Variants in EEA1 observed in about 807,000 individuals in gnomAD.
EEA1 encodes the protein early endosome antigen 1, 162kD.
In EEA1, 111 loss-of-function variants were observed where a neutral mutation model predicts 209.2. That is an observed-to-expected ratio of 0.53 (90% CI 0.45 to 0.62). The LOEUF is 0.62. Among genes scored for constraint, EEA1 ranks in the 20% least tolerant of loss-of-function variants. The pLI, the probability that EEA1 is intolerant of heterozygous loss-of-function variation, is 0.00. For synonymous variants in EEA1, 536 were observed against 540.6 expected, an observed-to-expected ratio of 0.99 and a Z score of 0.12; for missense variants, 1,343 against 1,530.8, an observed-to-expected ratio of 0.88 and a Z score of 2.05.
At chr12:92,809,273 A>G (rs1381973108) in intron 17 of EEA1, 117 bp from the exon 18 acceptor site, 1 of 645,852 alleles carries the variant, frequency 1.5e-6, no homozygotes, top group African/African-American at 1.9e-5. Flanking sequence ...AAAAAAATTT[A>G]TTATAATAAA....
chr12:92,779,087 A>T, intron 25 of EEA1, 28 bp downstream of exon 25: 1 of 1,574,288 alleles, frequency 6.4e-7, no homozygotes, highest in Middle Eastern at 1.7e-4. Context: ...CTACTGCAAA[A>T]CACACTTCCC....
At chr12:92,856,965 G>A (rs1412481453) in intron 5 of EEA1, among the ~76,000 whole-genome samples, 1 of 151,726 alleles carries the variant, frequency 6.6e-6, no homozygotes, top group Non-Finnish European at 1.5e-5. Context: ...AGAGACAGGG[G>A]TCTCCCTGTG....
In EEA1 at chr12:92,787,220, G is replaced by GA. The variant is rs907428003; in HGVS notation, c.3150+646dup. On this transcript the variant is annotated intron_variant, in intron 22 of 28. Coordinates refer to ENST00000322349, the MANE Select transcript of EEA1 (RefSeq NM_003566.4). ...TTTCCCCTTAACAAAAAGAGAGACAGAAAAAAAACTGGCTGAATCCTCTGT... is the reference window on the plus strand; with the variant it reads ...TTTCCCCTTAACAAAAAGAGAGACAGAAAAAAAAACTGGCTGAATCCTCTGT... 7.2e-5 allele frequency among the ~76,000 whole-genome samples: 11 copies of GA among 151,880 alleles called. No homozygotes were observed. In the East Asian group the frequency reaches 9.7e-4, roughly 13 times the overall value.
intron 1 of EEA1, among the ~76,000 whole-genome samples, chr12:92,896,185 G>C (rs546589093): frequency 6.6e-6 from 1 of 152,140 alleles, no homozygotes; most frequent in African/African-American, 2.4e-5. Flanking sequence ...TGTTGGCCAG[G>C]ATGGTCTCGA....
Position 92,774,900 on chromosome 12 carries a change from T to C in EEA1, c.*1111A>G, listed in dbSNP as rs529478045. The C allele has an allele frequency of 1.4e-4, 21 of 151,922 alleles. No homozygotes were observed. In the South Asian group the frequency reaches 3.9e-3, roughly 28 times the overall value. The allele number at this position is 151,922 out of a possible 1,614,324, so 9.4% of individuals were successfully genotyped here. ...ATAGGGTAAGAAATAGAAAGTAAAA[T>C]ATTTAATGTCTTCTTATCATTTTAT... On this transcript the variant is annotated 3_prime_UTR_variant, in exon 29 of 29. Coordinates refer to ENST00000322349, the MANE Select transcript of EEA1 (RefSeq NM_003566.4).
intron 14 of EEA1, among the ~76,000 whole-genome samples, chr12:92,818,844 T>C (rs532621678): frequency 6.6e-6 from 1 of 152,308 alleles, no homozygotes; most frequent in African/African-American, 2.4e-5. Flanking sequence ...TTATTGGCTA[T>C]ACATGATGCA....
Position 92,782,116 on chromosome 12 carries a change from G to C in EEA1, c.3170C>G (p.Ser1057Cys). Residue 1057 changes from serine to cysteine, a missense_variant, in exon 23 of 29, where the codon TCT (serine) becomes TGT (cysteine). Physicochemically the swap from Ser to Cys is moderately radical, Grantham distance 112. Around this residue, in one of 3 missense-constraint regions of EEA1, gnomAD observed 1,307 missense variants for 1,465.5 expected, o/e 0.89. Transcript: ENST00000322349. ...QDLKSVEEKLSLAQEDLISNR... is the reference protein window; with the variant it reads ...QDLKSVEEKLCLAQEDLISNR... ...TGAAATCAAGTCCTCCTGTGCTAGA[G>C]AAAGCTTCTCTTCTACAGACTTACA... is the stretch of plus-strand genomic sequence containing the variant. The C allele has an allele frequency of 3.7e-6, 6 of 1,610,114 alleles. No homozygotes were observed. The highest frequency in any genetic ancestry group is 1.3e-5 in the African/African-American group (1 of 74,872).
At chr12:92,885,481 T>C (rs1224996933) in intron 2 of EEA1, among the ~76,000 whole-genome samples, 1 of 152,128 alleles carries the variant, frequency 6.6e-6, no homozygotes, top group African/African-American at 2.4e-5. Context: ...TTAGTATTGG[T>C]GGCATATGGA....
chr12:92,807,724 C>T (rs1027797779), intron 18 of EEA1, among the ~76,000 whole-genome samples: 5 of 151,666 alleles, frequency 3.3e-5, no homozygotes, highest in African/African-American at 1.2e-4. Context: ...AAAAGATGTA[C>T]AAGATGTCTA....
In EEA1 at chr12:92,809,140, C is replaced by T. The variant is rs778325385; in HGVS notation, c.2216G>A (p.Ser739Asn). 5 of 1,576,868 alleles carry T rather than the reference C, an allele frequency of 3.2e-6. No individual in the cohort carries two copies. In the East Asian group the frequency reaches 9.2e-5, roughly 29 times the overall value. The change falls in exon 18 of 29, where the codon AGT becomes AAT. Residue 739 changes from serine to asparagine, a missense_variant. Around this residue, in one of 3 missense-constraint regions of EEA1, gnomAD observed 1,307 missense variants for 1,465.5 expected, o/e 0.89. Coordinates refer to ENST00000322349, the MANE Select transcript of EEA1 (RefSeq NM_003566.4). ...CTCCTTGCTTGCTTTAACTTCAAGA[C>T]TATCAGCTTCTAGTTTCTATGAAAG... ...EGQIKKLEAD[S>N]LEVKASKEQA...
At chr12:92,795,032 T>C (rs892556441) in intron 21 of EEA1, among the ~76,000 whole-genome samples, 2 of 152,172 alleles carry the variant, frequency 1.3e-5, no homozygotes, top group Admixed American at 6.5e-5. Flanking sequence ...TATTCACAAA[T>C]CATTATAATC....
At chr12:92,835,443 G>C (rs1327121198) in intron 10 of EEA1, 1 of 177,134 alleles carries the variant, frequency 5.6e-6, no homozygotes, top group East Asian at 2.1e-4. Context: ...ATGGAGTCTC[G>C]CTCTGTCGCC....
intron 2 of EEA1, among the ~76,000 whole-genome samples, chr12:92,889,435 A>G (rs749541735): frequency 6.6e-6 from 1 of 152,012 alleles, no homozygotes; most frequent in African/African-American, 2.4e-5. Flanking sequence ...GAGAAAGTAC[A>G]TAAAGAGTAA....
At chr12:92,800,678 T>A (rs184323617) in intron 20 of EEA1, among the ~76,000 whole-genome samples, 2 of 152,356 alleles carry the variant, frequency 1.3e-5, no homozygotes, top group Non-Finnish European at 2.9e-5. Flanking sequence ...ACTTTAAAGA[T>A]ATTAACCCAT....
chr12:92,857,859 G>A (rs1034768048), intron 3 of EEA1, among the ~76,000 whole-genome samples: 1 of 152,110 alleles, frequency 6.6e-6, no homozygotes, highest in Non-Finnish European at 1.5e-5. Flanking sequence ...ACATAATCTA[G>A]TCATTGCCTT....
intron 9 of EEA1, among the ~76,000 whole-genome samples, chr12:92,844,699 T>C (rs1216803199): frequency 3.9e-5 from 6 of 152,134 alleles, no homozygotes; most frequent in African/African-American, 1.4e-4. Flanking sequence ...GTTTTAATCA[T>C]ATAGCAAAAA....
chr12:92,861,975 A>C (rs1007720534), intron 3 of EEA1, among the ~76,000 whole-genome samples: 1 of 152,208 alleles, frequency 6.6e-6, no homozygotes, highest in African/African-American at 2.4e-5. Context: ...AAAAAAGCTC[A>C]CTAATGCATC....
At chr12:92,819,163 C>T (rs772445459) in intron 14 of EEA1, 145 bp downstream of exon 14, 12 of 610,756 alleles carry the variant, frequency 2.0e-5, no homozygotes, top group Non-Finnish European at 2.1e-5. Context: ...TCTTAAGGTA[C>T]ATGAGATGCT....
chr12:92,842,358 AAAT>A (rs1027626472), intron 10 of EEA1, 104 bp downstream of exon 10: 41 of 605,004 alleles, frequency 6.8e-5, no homozygotes, highest in African/African-American at 3.6e-4. Context: ...TAAAAAAAAA[AAAT>A]AAGTCACATT....
Sources: gnomAD v4.1 joint callset for allele counts (sites outside exome capture counted in the v4.1 genomes callset) on GRCh38, gnomAD v4.1.1 for gene constraint, gnomAD v4.1.1 regional missense constraint, MANE v1.5 for transcripts, NCBI Gene and HGNC (gene_info 2026-07-23, HGNC 2026-07-21) for gene names.